PRKAR2B: variants seen among roughly 807,000 people sequenced by gnomAD.
PRKAR2B encodes the protein protein kinase cAMP-dependent type II regulatory subunit beta, also known as cAMP-dependent protein kinase type II-beta regulatory subunit.
PRKAR2B carries 14 observed loss-of-function variants against 49.9 expected under a neutral mutation model. That is an observed-to-expected ratio of 0.28 (90% CI 0.19 to 0.44). The LOEUF (loss-of-function observed/expected upper bound fraction) is 0.44. Among genes scored for constraint, PRKAR2B ranks in the 20% least tolerant of loss-of-function variants. PRKAR2B has a pLI of 1.00. For missense variants in PRKAR2B, 393 were observed against 537.9 expected (o/e 0.73, Z 2.67); for synonymous variants, 196 against 197.7 (o/e 0.99, Z 0.07).
chr7:107,059,829 G>GA (rs946340707), intron 1 of PRKAR2B, among the ~76,000 whole-genome samples: 1 of 152,022 alleles, frequency 6.6e-6, no homozygotes, highest in Non-Finnish European at 1.5e-5. Flanking sequence ...TCCATAGGAT[G>GA]AAAATTATAA....
intron 2 of PRKAR2B, among the ~76,000 whole-genome samples, chr7:107,079,895 A>G (rs1355095446): frequency 6.6e-6 from 1 of 152,158 alleles, no homozygotes; most frequent in East Asian, 1.9e-4. Context: ...AGATTTCTCC[A>G]GGCATGTGTG....
At chr7:107,082,844 C>T (rs1300293869) in intron 2 of PRKAR2B, among the ~76,000 whole-genome samples, 1 of 152,080 alleles carries the variant, frequency 6.6e-6, no homozygotes, top group African/African-American at 2.4e-5. Context: ...GAATCCAGTG[C>T]CCGCCTTGGT....
intron 1 of PRKAR2B, among the ~76,000 whole-genome samples, chr7:107,047,589 A>G (rs1793723856): frequency 6.6e-6 from 1 of 152,182 alleles, no homozygotes; most frequent in African/African-American, 2.4e-5. Context: ...AGTGATCCTA[A>G]AAAGTATGAG....
intron 2 of PRKAR2B, among the ~76,000 whole-genome samples, chr7:107,080,383 A>G (rs1794492495): frequency 6.6e-6 from 1 of 152,140 alleles, no homozygotes; most frequent in African/African-American, 2.4e-5. Context: ...ATGTGTTGGG[A>G]AGGAGGGTAG....
At chr7:107,080,988 CT>C (rs1794504581) in intron 2 of PRKAR2B, among the ~76,000 whole-genome samples, 1 of 152,184 alleles carries the variant, frequency 6.6e-6, no homozygotes, top group East Asian at 1.9e-4. Flanking sequence ...GCAGGCAAAG[CT>C]TTTAGCATAG....
At chr7:107,059,818 G>A (rs1415910453) in intron 1 of PRKAR2B, among the ~76,000 whole-genome samples, 1 of 152,092 alleles carries the variant, frequency 6.6e-6, no homozygotes, top group Non-Finnish European at 1.5e-5. Flanking sequence ...CCTTGCAAGA[G>A]TCCATAGGAT....
chr7:107,159,461 A>G lies in PRKAR2B; in HGVS notation c.1136A>G (p.Gln379Arg). Residue 379 changes from glutamine to arginine, a missense_variant, in exon 11 of 11, where the codon CAA (glutamine) becomes CGA (arginine). This residue lies in a region of PRKAR2B where 233 missense variants were observed against 390.4 expected (regional missense o/e 0.60). Transcript: ENST00000265717. ...TCTCTTTTCTCAGCAATGGATGTGC[A>G]AGCATTTGAAAGGCTTCTGGGACCT... ...GTVKCLAMDV[Q>R]AFERLLGPCM... 6.2e-7 allele frequency: 1 copy of G among 1,614,072 alleles called. No homozygotes were observed. Among genetic ancestry groups the G allele is most frequent in the Non-Finnish European group, 8.5e-7 (1 of 1,179,968 alleles).
At chr7:107,094,721 C>T (rs1413627185) in intron 2 of PRKAR2B, among the ~76,000 whole-genome samples, 1 of 152,214 alleles carries the variant, frequency 6.6e-6, no homozygotes, top group Non-Finnish European at 1.5e-5. Flanking sequence ...CAGCTTTCTG[C>T]ATATGGCTAA....
intron 2 of PRKAR2B, among the ~76,000 whole-genome samples, chr7:107,119,264 GCC>G (rs1795345685): frequency 6.6e-6 from 1 of 152,142 alleles, no homozygotes; most frequent in Non-Finnish European, 1.5e-5. Flanking sequence ...CTTGCCTACT[GCC>G]TACTGCCTAC....
chr7:107,052,897 C>G (rs1793834849), intron 1 of PRKAR2B, among the ~76,000 whole-genome samples: 1 of 152,212 alleles, frequency 6.6e-6, no homozygotes, highest in Admixed American at 6.5e-5. Flanking sequence ...GTGGTGCCAT[C>G]TTGGCTCACT....
At chr7:107,098,684 A>G (rs972975082) in intron 2 of PRKAR2B, among the ~76,000 whole-genome samples, 2 of 152,046 alleles carry the variant, frequency 1.3e-5, no homozygotes, top group Non-Finnish European at 2.9e-5. Flanking sequence ...GTGACGTACA[A>G]ATGGGGTTTT....
intron 2 of PRKAR2B, among the ~76,000 whole-genome samples, chr7:107,096,831 T>C (rs1331496685): frequency 6.6e-6 from 1 of 152,230 alleles, no homozygotes; most frequent in Admixed American, 6.5e-5. Context: ...TGAGTGAGTT[T>C]CTTAATCCTG....
At chr7:107,151,736 C>T (rs148394381) in intron 7 of PRKAR2B, among the ~76,000 whole-genome samples, 3 of 152,322 alleles carry the variant, frequency 2.0e-5, no homozygotes, top group African/African-American at 7.2e-5. Flanking sequence ...TTGTTCACCT[C>T]ATTGTGGTGA....
At chr7:107,121,518 G>A (rs576243646) in intron 2 of PRKAR2B, among the ~76,000 whole-genome samples, 22 of 152,208 alleles carry the variant, frequency 1.4e-4, no homozygotes, top group Non-Finnish European at 2.1e-4. Context: ...AATATTTGTC[G>A]CTGAAGTACG....
At chr7:107,136,540 C>T (rs1795705062) in intron 4 of PRKAR2B, among the ~76,000 whole-genome samples, 1 of 152,116 alleles carries the variant, frequency 6.6e-6, no homozygotes, top group Admixed American at 6.6e-5. Flanking sequence ...ACAAATGGCA[C>T]ACAAGCATAT....
At chr7:107,057,554 A>T (rs1201237168) in intron 1 of PRKAR2B, among the ~76,000 whole-genome samples, 1 of 152,174 alleles carries the variant, frequency 6.6e-6, no homozygotes, top group African/African-American at 2.4e-5. Flanking sequence ...CTTTTTTAAG[A>T]GTGTGATTTC....
rs867712897 is a variant in PRKAR2B, at chr7:107,116,521, A to C, written c.344-5431A>C. ...GCAAAACAAGTTACACATTATATAA[A>C]ATGTATAACAGAAGAATATGTATAC... On this transcript the variant is annotated intron_variant, in intron 2 of 10. Transcript: ENST00000265717. Among the ~76,000 whole-genome samples, 5 of 152,336 alleles carry C rather than the reference A, an allele frequency of 3.3e-5. No homozygotes were observed. In the Middle Eastern group the frequency reaches 0.014, roughly 415 times the overall value.
intron 2 of PRKAR2B, among the ~76,000 whole-genome samples, chr7:107,090,072 G>A (rs1426983707): frequency 1.3e-5 from 2 of 152,150 alleles, no homozygotes; most frequent in African/African-American, 4.8e-5. Context: ...CTCTTTGGTT[G>A]CAAGTGACTG....
Position 107,045,107 on chromosome 7 carries a change from G to A in PRKAR2B, c.200G>A (p.Gly67Asp). 2.0e-6 allele frequency: 3 copies of A among 1,527,018 alleles called. No homozygotes were observed. The highest frequency in any genetic ancestry group is 2.5e-5 in the East Asian group (1 of 40,534). The allele number at this position is 1,527,018 out of a possible 1,614,324, so 94.6% of individuals were successfully genotyped here. A position where few individuals can be genotyped will look rare whatever the true frequency, so the allele number is the denominator to read the frequency against. The stretch of plus-strand genomic sequence containing the variant: ...GGGGACCTGGGCGCCGCTGCCGGGG[G>A]CGGCACCCCCAGCAAGGGGGTCAAC... ...TWGDLGAAAG[G>D]GTPSKGVNFA... Residue 67 changes from glycine (G) to aspartate (D), a missense_variant, in exon 1 of 11, where the codon GGC becomes GAC. Coordinates refer to ENST00000265717, the MANE Select transcript of PRKAR2B (RefSeq NM_002736.3).
Sources: gnomAD v4.1 joint callset for allele counts (sites outside exome capture counted in the v4.1 genomes callset) on GRCh38, gnomAD v4.1.1 for gene constraint, gnomAD v4.1.1 regional missense constraint, MANE v1.5 for transcripts, NCBI Gene and HGNC (gene_info 2026-07-23, HGNC 2026-07-21) for gene names.